The following SPNS2 variants were observed in gnomAD, a reference collection of about 807,000 sequenced individuals.
SPNS2 encodes SPNS lysolipid transporter 2, sphingosine-1-phosphate.
SPNS2 carries 37 observed loss-of-function variants against 57.6 expected under a neutral mutation model. That is an observed-to-expected ratio of 0.64 (90% CI 0.49 to 0.85). The LOEUF is 0.85. Among genes scored for constraint, SPNS2 ranks in the 40% least tolerant of loss-of-function variants. The pLI is 0.00. For synonymous variants in SPNS2, 440 were observed against 346.9 expected (o/e 1.27, Z -2.98); for missense variants, 831 against 779.1 (o/e 1.07, Z -0.79).
In SPNS2 at chr17:4,536,063, G is replaced by T; in HGVS notation, c.1345-13G>T. 1.2e-6 allele frequency: 2 copies of T among 1,607,092 alleles called. No individual in the cohort carries two copies. Among genetic ancestry groups the T allele is most frequent in the South Asian group, 2.2e-5 (2 of 90,832 alleles). On this transcript the variant is annotated splice_polypyrimidine_tract_variant and intron_variant, in intron 9 of 12. Transcript: ENST00000329078. Reference sequence around the variant, plus strand: ...TTCTCCTCTGGCCGCTGACCTGCCCGCCTGTTCCGCAGTACGTGGTCATCC... The same window carrying T: ...TTCTCCTCTGGCCGCTGACCTGCCCTCCTGTTCCGCAGTACGTGGTCATCC...
At chr17:4,531,404 A>T (rs1474771798) in intron 5 of SPNS2, among the ~76,000 whole-genome samples, 1 of 152,070 alleles carries the variant, frequency 6.6e-6, no homozygotes, top group Non-Finnish European at 1.5e-5. Flanking sequence ...AGAACCAAGG[A>T]TTCTCCCACC....
chr17:4,536,484 C>T, intron 11 of SPNS2, 58 bp downstream of exon 11: 1 of 1,551,278 alleles, frequency 6.4e-7, no homozygotes, highest in African/African-American at 1.3e-5. Context: ...ACCGTGATAG[C>T]CACCGTGAGC....
chr17:4,532,786 C>G (rs1905553049), intron 6 of SPNS2, 102 bp downstream of exon 6: 10 of 1,477,050 alleles, frequency 6.8e-6, no homozygotes, highest in Non-Finnish European at 9.2e-6. Flanking sequence ...GCCAGACACC[C>G]CACCTCTGCT....
rs192244293 is a variant in SPNS2, at chr17:4,508,575, C to T, written c.371-4672C>T. 1.5e-3 allele frequency among the ~76,000 whole-genome samples: 232 copies of T among 152,116 alleles called. 2 individuals are homozygous for T. Among genetic ancestry groups the T allele is most frequent in the Admixed American group, 2.3e-3 (35 of 15,270 alleles). On this transcript the variant is annotated intron_variant, in intron 1 of 12. Coordinates refer to ENST00000329078, the MANE Select transcript of SPNS2 (RefSeq NM_001124758.3). ...TGGAGTCAGGGGCTGTATGTGTGTG[C>T]GGTGGGCACTGTGGTTGGGAGAAGA...
intron 2 of SPNS2, among the ~76,000 whole-genome samples, chr17:4,523,757 C>T (rs1012844997): frequency 3.9e-5 from 6 of 152,238 alleles, no homozygotes; most frequent in African/African-American, 9.6e-5. Context: ...AATATAAAAT[C>T]GTGGCATCCA....
intron 9 of SPNS2, among the ~76,000 whole-genome samples, chr17:4,535,408 G>C (rs1337495542): frequency 6.6e-6 from 1 of 152,188 alleles, no homozygotes; most frequent in Non-Finnish European, 1.5e-5. Flanking sequence ...TGGGTCTTTA[G>C]CTTGATGGGA....
At chr17:4,532,322 G>C (rs1268503609) in intron 5 of SPNS2, among the ~76,000 whole-genome samples, 3 of 151,804 alleles carry the variant, frequency 2.0e-5, no homozygotes, top group Admixed American at 6.6e-5. Flanking sequence ...CCCACCTCTG[G>C]TCCTGCCCCT....
At position 4,538,807 on chromosome 17, in the gene SPNS2, G is replaced by T. The variant is rs887473426; in HGVS notation, c.*1359G>T. On this transcript the variant is annotated 3_prime_UTR_variant, in exon 13 of 13. Coordinates refer to ENST00000329078, the MANE Select transcript of SPNS2 (RefSeq NM_001124758.3). Reference sequence around the variant, plus strand: ...CGAGGGCCTGACAAGAGGATGGGGTGGGGGTGGCATCCTCCAAAGACCAGC... The same window carrying T: ...CGAGGGCCTGACAAGAGGATGGGGTTGGGGTGGCATCCTCCAAAGACCAGC... 1 of 765,122 alleles carries T rather than the reference G, an allele frequency of 1.3e-6. No individual in the cohort carries two copies. Among genetic ancestry groups the T allele is most frequent in the African/African-American group, 1.7e-5 (1 of 58,262 alleles). The allele number at this position is 765,122 out of a possible 1,614,324, so 47.4% of individuals were successfully genotyped here.
At chr17:4,532,094 T>G (rs1597369071) in intron 5 of SPNS2, among the ~76,000 whole-genome samples, 1 of 152,154 alleles carries the variant, frequency 6.6e-6, no homozygotes, top group East Asian at 1.9e-4. Context: ...TTATTTTCCA[T>G]CCGTCTGTCC....
In SPNS2 at chr17:4,499,630, G is replaced by T; in HGVS notation, c.370+213G>T. 2.5e-6 allele frequency: 1 copy of T among 397,098 alleles called. No individual in the cohort carries two copies. The allele number at this position is 397,098 out of a possible 1,614,324, so 24.6% of individuals were successfully genotyped here. A position where few individuals can be genotyped will look rare whatever the true frequency, so the allele number is the denominator to read the frequency against. Reference sequence around the variant, plus strand: ...CCAGCTCCCCGCTCATACACACCCGGGGCCAAGGGATAGAGGAGTCCCCAC... The same window carrying T: ...CCAGCTCCCCGCTCATACACACCCGTGGCCAAGGGATAGAGGAGTCCCCAC... On this transcript the variant is annotated intron_variant, in intron 1 of 12. Coordinates refer to ENST00000329078, the MANE Select transcript of SPNS2 (RefSeq NM_001124758.3). This position sits in a 1 kb window ranked among gnomAD's most constrained non-coding sequence, Gnocchi z 5.2.
chr17:4,527,034 A>T (rs1263527829), intron 3 of SPNS2, among the ~76,000 whole-genome samples: 8 of 152,226 alleles, frequency 5.3e-5, no homozygotes, highest in Admixed American at 4.6e-4. Context: ...CTGACCAGTA[A>T]GTCTAGGACC....
At chr17:4,532,892 GCCT>G in intron 6 of SPNS2, 82 bp from the exon 7 acceptor site, 1 of 1,524,294 alleles carries the variant, frequency 6.6e-7, no homozygotes, top group Non-Finnish European at 8.8e-7. Flanking sequence ...GCATTTGGGG[GCCT>G]CCTGTTCCCC....
At chr17:4,536,829 TGTGCCAGAGCA>T in intron 11 of SPNS2, 60 bp from the exon 12 acceptor site, 2 of 1,299,904 alleles carry the variant, frequency 1.5e-6, no homozygotes, top group East Asian at 2.3e-5. Context: ...CACGACACGA[TGTGCCAGAGCA>T]GTGCCCGGGC....
chr17:4,499,129 C>CG lies in SPNS2; in HGVS notation c.88dup (p.Ala30GlyfsTer8), dbSNP rs2144292402. On this transcript the variant is annotated frameshift_variant, in exon 1 of 13. Coordinates refer to ENST00000329078, the MANE Select transcript of SPNS2 (RefSeq NM_001124758.3). LOFTEE classifies it high-confidence loss of function. This position sits in a 1 kb window ranked among gnomAD's most constrained non-coding sequence, Gnocchi z 5.2. Reference sequence around the variant, plus strand: ...GGACGCGGAGCGGCGGCGCCGGCGCCGGGGGGCGCAGCGAGGGGCTGGCGG... The same window carrying CG: ...GGACGCGGAGCGGCGGCGCCGGCGCCGGGGGGGCGCAGCGAGGGGCTGGCGG... The CG allele has an allele frequency of 3.5e-6, 4 of 1,145,712 alleles. No individual in the cohort carries two copies. The highest frequency in any genetic ancestry group is 3.2e-6 in the Non-Finnish European group (3 of 932,694). 71.0% of individuals were successfully genotyped at this position (1,145,712 alleles called of 1,614,324 possible).
intron 3 of SPNS2, 31 bp downstream of exon 3, chr17:4,525,224 C>CT (rs753387201): frequency 6.2e-7 from 1 of 1,611,564 alleles, no homozygotes; most frequent in Non-Finnish European, 8.5e-7. Flanking sequence ...TCCCCGACCC[C>CT]TGTGTCCTGG....
chr17:4,529,750 T>C (rs1471553910), intron 3 of SPNS2, among the ~76,000 whole-genome samples: 1 of 151,616 alleles, frequency 6.6e-6, no homozygotes, highest in Admixed American at 6.6e-5. Context: ...TGTAGGCAGG[T>C]GATTCCCAGG....
chr17:4,522,433 C>A (rs1487356631), intron 2 of SPNS2, among the ~76,000 whole-genome samples: 1 of 152,184 alleles, frequency 6.6e-6, no homozygotes, highest in Non-Finnish European at 1.5e-5. Flanking sequence ...ATTAACAGGT[C>A]TGCTCGTACA....
intron 1 of SPNS2, 39 bp from the exon 2 acceptor site, chr17:4,513,208 T>C (rs761266349): frequency 6.2e-7 from 1 of 1,607,692 alleles, no homozygotes; most frequent in South Asian, 1.1e-5. Context: ...ACACCAGCCA[T>C]CAGACTCGGC....
chr17:4,529,987 G>A (rs1476734852), intron 3 of SPNS2, among the ~76,000 whole-genome samples: 1 of 152,214 alleles, frequency 6.6e-6, no homozygotes, highest in African/African-American at 2.4e-5. Flanking sequence ...TGACCAGGCT[G>A]GGTTCTCAGG....
Sources: gnomAD v4.1 joint callset for allele counts (sites outside exome capture counted in the v4.1 genomes callset) on GRCh38, gnomAD v4.1.1 for gene constraint, Gnocchi (gnomAD v3.1) non-coding constraint, MANE v1.5 for transcripts, NCBI Gene and HGNC (gene_info 2026-07-23, HGNC 2026-07-21) for gene names.